Variants in TRIM14 observed in about 807,000 individuals in gnomAD.
The protein encoded by TRIM14 is tripartite motif-containing protein 14.
A neutral mutation model predicts 44.5 loss-of-function variants in TRIM14; 28 were observed. That is an observed-to-expected ratio of 0.63 (90% CI 0.47 to 0.86). TRIM14 has a LOEUF of 0.86. TRIM14 is among the 40% of genes least tolerant of loss of function. The pLI, the probability that TRIM14 is intolerant of heterozygous loss-of-function variation, is 0.00. For missense variants in TRIM14, 607 were observed against 611.1 expected (o/e 0.99, Z 0.07); for synonymous variants, 299 against 269.2 (o/e 1.11, Z -1.08).
chr9:98,091,847 C>T, intron 5 of TRIM14, 62 bp downstream of exon 5: 1 of 1,185,506 alleles, frequency 8.4e-7, no homozygotes, highest in Non-Finnish European at 1.1e-6. Context: ...CATGATCCTC[C>T]TCCACCCAAC....
chr9:98,106,873 T>C (rs1826634703), intron 2 of TRIM14, among the ~76,000 whole-genome samples: 1 of 150,826 alleles, frequency 6.6e-6, no homozygotes, highest in South Asian at 2.1e-4. Flanking sequence ...TCACCCAGGC[T>C]GGAGTGTAGT....
chr9:98,052,225 ACCT>A, the TRIM14 span, among the ~76,000 whole-genome samples: 3 of 151,884 alleles, frequency 2.0e-5, no homozygotes, highest in East Asian at 1.9e-4. Context: ...GGTCTGTGAC[ACCT>A]CCTCTGTTTT....
At chr9:98,078,428 C>T (rs1829692033) in intron 6 of TRIM14, 3 of 1,472,138 alleles carry the variant, frequency 2.0e-6, no homozygotes, top group South Asian at 2.5e-5. Flanking sequence ...AAAATTCTAA[C>T]AAACATGGCA....
the TRIM14 span, among the ~76,000 whole-genome samples, chr9:98,055,766 T>C: frequency 2.0e-5 from 3 of 151,988 alleles, no homozygotes; most frequent in African/African-American, 7.3e-5. Flanking sequence ...TGAGACAGAG[T>C]CTTGCAGTGT....
chr9:98,107,837 AT>A (rs35567100), intron 2 of TRIM14, among the ~76,000 whole-genome samples: 44,355 of 149,594 alleles, frequency 0.3, 6,842 homozygotes, highest in East Asian at 0.41. Context: ...ATTTTTTTGT[AT>A]TTTTTTTTTA....
At chr9:98,042,293 GAA>G in the TRIM14 span, among the ~76,000 whole-genome samples, 14 of 125,960 alleles carry the variant, frequency 1.1e-4, no homozygotes, top group East Asian at 2.6e-4. Flanking sequence ...ACTCTGTCTG[GAA>G]AAAAAAAAAA....
chr9:98,068,907 G>A (rs144510285), downstream of TRIM14, among the ~76,000 whole-genome samples: 1 of 152,180 alleles, frequency 6.6e-6, no homozygotes, highest in Admixed American at 6.5e-5. Context: ...TTGCTGGTGG[G>A]AATGTAGAAT....
intron 3 of TRIM14, among the ~76,000 whole-genome samples, chr9:98,096,621 C>T (rs1826196194): frequency 6.6e-6 from 1 of 152,062 alleles, no homozygotes; most frequent in Non-Finnish European, 1.5e-5. Flanking sequence ...CCCTTCATCT[C>T]TCAGGCCAGA....
intron 6 of TRIM14, among the ~76,000 whole-genome samples, chr9:98,070,030 T>A (rs1285523650): frequency 6.6e-6 from 1 of 152,206 alleles, no homozygotes; most frequent in Non-Finnish European, 1.5e-5. Context: ...GTATATAGTA[T>A]CTCTCTGTGT....
chr9:98,081,265 T>C, downstream of TRIM14: 5 of 753,840 alleles, frequency 6.6e-6, no homozygotes, highest in Non-Finnish European at 1.0e-5. Context: ...CTCTGGCCTG[T>C]AGCAGCAGCA....
intron 2 of TRIM14, among the ~76,000 whole-genome samples, chr9:98,104,542 G>GGAGAGAGAGA (rs145070452): frequency 6.6e-6 from 1 of 151,432 alleles, no homozygotes; most frequent in Non-Finnish European, 1.5e-5. Flanking sequence ...AGAGGGAAGG[G>GGAGAGAGAGA]GAGAGAGAGA....
Position 98,091,923 on chromosome 9 carries a change from G to A in TRIM14, c.779C>T (p.Ser260Leu). The part of the protein sequence containing the change: ...LLKTSPSPER[S>L]LLLKYARTPT... Reference sequence around the variant, plus strand: ...GGGGGTCTTACATTTCAGCAATAGCGATCGCTCTGGTGAGGGGCTGGTTTT... The same window carrying A: ...GGGGGTCTTACATTTCAGCAATAGCAATCGCTCTGGTGAGGGGCTGGTTTT... Residue 260 changes from serine (S) to leucine (L), a missense_variant, in exon 5 of 6, where the codon TCG becomes TTG. By Grantham distance (145) the Ser-to-Leu change is moderately radical (BLOSUM62 -2). This residue lies in a region of TRIM14 where 356 missense variants were observed against 323.0 expected (regional missense o/e 1.10). Transcript: ENST00000341469. The A allele has an allele frequency of 1.9e-6, 3 of 1,601,352 alleles. No individual in the cohort carries two copies. Among genetic ancestry groups the A allele is most frequent in the South Asian group, 2.2e-5 (2 of 89,032 alleles).
chr9:98,053,834 T>TA, the TRIM14 span, among the ~76,000 whole-genome samples: 2 of 151,842 alleles, frequency 1.3e-5, no homozygotes, highest in African/African-American at 4.8e-5. Context: ...AATAAATAAA[T>TA]ATCATCCTTT....
At chr9:98,040,901 C>T in the TRIM14 span, among the ~76,000 whole-genome samples, 12 of 152,078 alleles carry the variant, frequency 7.9e-5, no homozygotes, top group African/African-American at 1.2e-4. Flanking sequence ...TTGATCCACC[C>T]GCCTCGGCCT....
At position 98,119,036 on chromosome 9, in the gene TRIM14, G is replaced by A; in HGVS notation, c.153C>T (p.Gly51=). 6.3e-7 allele frequency: 1 copy of A among 1,575,286 alleles called. No homozygotes were observed. Among genetic ancestry groups the A allele is most frequent in the Non-Finnish European group, 8.5e-7 (1 of 1,170,112 alleles). Residue 51 remains glycine, a synonymous_variant, in exon 1 of 6, where the codon GGC becomes GGT. Transcript: ENST00000341469. The stretch of plus-strand genomic sequence containing the variant: ...GGCCCACAGGGTGGCCACGGTGCGC[G>A]CCCAGCACCGGGCAAAGCGCGCACA... ...RCVCALCPVL[G]AHRGHPVGLA...
At chr9:98,054,684 C>T in the TRIM14 span, among the ~76,000 whole-genome samples, 5 of 152,268 alleles carry the variant, frequency 3.3e-5, no homozygotes, top group African/African-American at 1.2e-4. Flanking sequence ...GTACTCCATA[C>T]ATATTGGGCT....
At position 98,095,115 on chromosome 9, in the gene TRIM14, C is replaced by T. The variant is rs1025664913; in HGVS notation, c.538-86G>A. On this transcript the variant is annotated intron_variant, in intron 3 of 5. Transcript: ENST00000341469. The surrounding 1 kb of genome is among the most constrained non-coding windows in gnomAD (Gnocchi z 4.1). ...TGTGCTGCACCCAGGAACAAACCCACACCAGCATGCCCAGGCTCCACGTTG... is the reference window on the plus strand; with the variant it reads ...TGTGCTGCACCCAGGAACAAACCCATACCAGCATGCCCAGGCTCCACGTTG... 14 of 1,489,312 alleles carry T rather than the reference C, an allele frequency of 9.4e-6. No individual in the cohort carries two copies. In the South Asian group the frequency reaches 1.7e-4, roughly 18 times the overall value. 92.3% of individuals were successfully genotyped at this position (1,489,312 alleles called of 1,614,324 possible).
At chr9:98,061,709 G>GCCC in the TRIM14 span, among the ~76,000 whole-genome samples, 6 of 151,662 alleles carry the variant, frequency 4.0e-5, no homozygotes, top group South Asian at 2.1e-4. Flanking sequence ...GAACCTGGGA[G>GCCC]GTGGAGGTTG....
the TRIM14 span, among the ~76,000 whole-genome samples, chr9:98,056,517 C>A: frequency 7.2e-5 from 11 of 152,188 alleles, no homozygotes; most frequent in East Asian, 2.1e-3. Flanking sequence ...CGCGATGGTC[C>A]GAGACCACGC....
Sources: allele counts gnomAD v4.1 joint callset (sites outside exome capture counted in the v4.1 genomes callset), GRCh38; gene constraint gnomAD v4.1.1; regional missense constraint gnomAD v4.1.1; non-coding constraint Gnocchi (gnomAD v3.1); transcripts MANE v1.5; gene names NCBI Gene and HGNC (gene_info 2026-07-23, HGNC 2026-07-21).